The following TASP1 variants were observed in gnomAD, a reference collection of about 807,000 sequenced individuals.
TASP1 encodes threonine aspartase 1.
In TASP1, 16 loss-of-function variants were observed where a neutral mutation model predicts 56.6. That is an observed-to-expected ratio of 0.28 (90% CI 0.19 to 0.43). TASP1 has a LOEUF of 0.43. Among genes scored for constraint, TASP1 ranks in the 20% least tolerant of loss-of-function variants. The probability of loss-of-function intolerance (pLI) is 1.00; values close to 1 mark genes in which losing one functional copy is unlikely to be tolerated. For missense variants in TASP1, 393 were observed against 511.6 expected (o/e 0.77, Z 2.24); for synonymous variants, 179 against 184.2 (o/e 0.97, Z 0.23).
At chr20:13,279,361 G>A in the TASP1 span, among the ~76,000 whole-genome samples, 2 of 152,162 alleles carry the variant, frequency 1.3e-5, no homozygotes, top group Admixed American at 6.5e-5. Context: ...AACAGTCATT[G>A]TTTCCAGCTA....
At chr20:13,264,674 T>G in the TASP1 span, among the ~76,000 whole-genome samples, 17 of 152,342 alleles carry the variant, frequency 1.1e-4, no homozygotes, top group African/African-American at 3.8e-4. Flanking sequence ...ACAGCCACGA[T>G]GAGCAACGCC....
chr20:13,558,229 ATG>A (rs2046228849), intron 8 of TASP1, among the ~76,000 whole-genome samples: 1 of 152,236 alleles, frequency 6.6e-6, no homozygotes, highest in Non-Finnish European at 1.5e-5. Flanking sequence ...GGTACATCAC[ATG>A]ACTATGTGAC....
the TASP1 span, among the ~76,000 whole-genome samples, chr20:13,335,888 CAG>C: frequency 6.6e-6 from 1 of 151,978 alleles, no homozygotes; most frequent in East Asian, 1.9e-4. Flanking sequence ...GGGAGACAAA[CAG>C]AGAGAGGAGA....
At chr20:13,289,359 C>G in the TASP1 span, among the ~76,000 whole-genome samples, 5 of 152,158 alleles carry the variant, frequency 3.3e-5, no homozygotes, top group Non-Finnish European at 7.3e-5. Flanking sequence ...ACAGCCCCAC[C>G]GGTAATACCA....
chr20:13,453,509 C>T (rs2043707625), intron 11 of TASP1, among the ~76,000 whole-genome samples: 1 of 151,980 alleles, frequency 6.6e-6, no homozygotes, highest in African/African-American at 2.4e-5. Flanking sequence ...GTGGAAGACT[C>T]GCATTGTAAA....
At chr20:13,171,904 T>C in the TASP1 span, among the ~76,000 whole-genome samples, 1 of 151,896 alleles carries the variant, frequency 6.6e-6, no homozygotes, top group South Asian at 2.1e-4. Flanking sequence ...TATAAAGAAA[T>C]TACATCCACA....
chr20:13,271,763 G>A, the TASP1 span, among the ~76,000 whole-genome samples: 14,536 of 152,022 alleles, frequency 0.096, 757 homozygotes, highest in East Asian at 0.21. Flanking sequence ...TCCAACTCTC[G>A]TCCTCATATG....
At chr20:13,437,309 C>T (rs527808115) in intron 11 of TASP1, among the ~76,000 whole-genome samples, 1,583 of 152,238 alleles carry the variant, frequency 0.01, 28 homozygotes, top group African/African-American at 0.036. Context: ...AATTCAACAA[C>T]GCTTCATGCT....
chr20:13,201,783 T>A, the TASP1 span, among the ~76,000 whole-genome samples: 1 of 150,474 alleles, frequency 6.6e-6, no homozygotes, highest in Non-Finnish European at 1.5e-5. Flanking sequence ...AGATGGAGTC[T>A]CGCTCTGTTG....
chr20:13,505,886 G>A (rs1031640907), intron 10 of TASP1, among the ~76,000 whole-genome samples: 1 of 151,906 alleles, frequency 6.6e-6, no homozygotes, highest in Non-Finnish European at 1.5e-5. Flanking sequence ...AAAGTTAGCA[G>A]AAGGAAGGAA....
rs149871398 is a variant in TASP1, at chr20:13,466,720, G to A, written c.985+16507C>T. 4.6e-5 allele frequency among the ~76,000 whole-genome samples: 7 copies of A among 152,256 alleles called. No homozygotes were observed. The East Asian group carries it at 7.7e-4, about 17-fold the overall frequency. On this transcript the variant is annotated intron_variant, in intron 11 of 13. Transcript: ENST00000337743. ...GGTACCACTGCACTCCAGCCTGGGC[G>A]ACAAAGCAAGACTCCATCTTAAAAG...
At chr20:13,365,818 C>A in the TASP1 span, among the ~76,000 whole-genome samples, 1 of 152,034 alleles carries the variant, frequency 6.6e-6, no homozygotes, top group Non-Finnish European at 1.5e-5. Context: ...ATGTGTCTTA[C>A]GAAGTCTGGC....
chr20:13,612,951 T>C (rs1431137344), intron 4 of TASP1, among the ~76,000 whole-genome samples: 1 of 152,150 alleles, frequency 6.6e-6, no homozygotes, highest in Non-Finnish European at 1.5e-5. Flanking sequence ...TCTGCACTTA[T>C]TTTAGGATAT....
chr20:13,503,671 T>G (rs2146662578), intron 10 of TASP1, among the ~76,000 whole-genome samples: 1 of 152,220 alleles, frequency 6.6e-6, no homozygotes, highest in East Asian at 1.9e-4. Flanking sequence ...TAATTGTTTT[T>G]GGGAAGCTCA....
At chr20:13,293,169 C>T in the TASP1 span, among the ~76,000 whole-genome samples, 2 of 144,004 alleles carry the variant, frequency 1.4e-5, no homozygotes, top group Admixed American at 7.2e-5. Context: ...CACTGCACTC[C>T]AGCACTCCAG....
Position 13,569,510 on chromosome 20 carries a change from T to A in TASP1, c.565A>T (p.Thr189Ser), listed in dbSNP as rs746895025. Reference sequence around the variant, plus strand: ...TTTTTTTTAAGTTTTTACTCACTTGTGGTCATGATGTTAGGAGGGCAAGAG... The same window carrying A: ...TTTTTTTTAAGTTTTTACTCACTTGAGGTCATGATGTTAGGAGGGCAAGAG... ...IPSCPPNIMT[T>S]RFSLAAFKRN... Residue 189 changes from threonine (T) to serine (S), a missense_variant, in exon 7 of 14, where the codon ACA (threonine) becomes TCA (serine). Thr to Ser is a moderately conservative substitution (Grantham distance 58, BLOSUM62 1). Around this residue, in one of 3 missense-constraint regions of TASP1, gnomAD observed 293 missense variants for 354.2 expected, o/e 0.83. Transcript: ENST00000337743. The A allele has an allele frequency of 5.6e-6, 9 of 1,611,594 alleles. No individual in the cohort carries two copies. The Middle Eastern group carries it at 5.1e-4, about 91-fold the overall frequency.
chr20:13,255,353 T>C, the TASP1 span, among the ~76,000 whole-genome samples: 1 of 152,238 alleles, frequency 6.6e-6, no homozygotes, highest in African/African-American at 2.4e-5. Flanking sequence ...TTTACCCCAT[T>C]GTACAGTTGA....
At chr20:13,447,355 G>A (rs2043448889) in intron 11 of TASP1, among the ~76,000 whole-genome samples, 1 of 152,028 alleles carries the variant, frequency 6.6e-6, no homozygotes, top group Non-Finnish European at 1.5e-5. Context: ...TTTCACATCT[G>A]TGGCATACAC....
At position 13,623,487 on chromosome 20, in the gene TASP1, G is replaced by A. The variant is rs1283096802; in HGVS notation, c.241C>T (p.Leu81Phe). Residue 81 changes from leucine to phenylalanine, a missense_variant, in exon 4 of 14, where the codon CTT (leucine) becomes TTT (phenylalanine). This residue lies in a region of TASP1 where 48 missense variants were observed against 106.2 expected (regional missense o/e 0.45). Transcript: ENST00000337743. The stretch of plus-strand genomic sequence containing the variant: ...GCTGCAGTGACTGCGTCAGTTGCAA[G>A]AGCACCGGCCTGCAGCTTTTCAATT... ...KAIEKLQAGA[L>F]ATDAVTAALV... 6.2e-7 allele frequency: 1 copy of A among 1,608,708 alleles called. No homozygotes were observed. Among genetic ancestry groups the A allele is most frequent in the South Asian group, 1.1e-5 (1 of 90,866 alleles).
Sources: gnomAD v4.1 joint callset for allele counts (sites outside exome capture counted in the v4.1 genomes callset) on GRCh38, gnomAD v4.1.1 for gene constraint, gnomAD v4.1.1 regional missense constraint, MANE v1.5 for transcripts, NCBI Gene and HGNC (gene_info 2026-07-23, HGNC 2026-07-21) for gene names.